TVP23A: variants seen among roughly 807,000 people sequenced by gnomAD.
TVP23A encodes Golgi apparatus membrane protein TVP23 homolog A.
TVP23A carries 21 observed loss-of-function variants against 31.7 expected under a neutral mutation model. The observed-to-expected ratio is 0.66, with a 90% CI of 0.47 to 0.95. The LOEUF is 0.95. Among genes scored for constraint, TVP23A ranks in the 40% least tolerant of loss-of-function variants. TVP23A has a pLI of 0.00. For missense variants in TVP23A, 279 were observed against 255.6 expected (o/e 1.09, Z -0.62); for synonymous variants, 104 against 96.0 (o/e 1.08, Z -0.49).
downstream of TVP23A, among the ~76,000 whole-genome samples, chr16:10,758,719 C>T (rs1393868846): frequency 6.6e-6 from 1 of 152,170 alleles, no homozygotes; most frequent in African/African-American, 2.4e-5. Context: ...TTTCCGTTTA[C>T]ATCCCAGGAT....
In TVP23A at chr16:10,802,628, T is replaced by C. The variant is rs188963795; in HGVS notation, c.89+15475A>G. Among the ~76,000 whole-genome samples, 420 of 152,336 alleles carry C rather than the reference T, an allele frequency of 2.8e-3. 1 individual carries two copies. Among genetic ancestry groups the C allele is most frequent in the South Asian group, 3.9e-3 (19 of 4,832 alleles). On this transcript the variant is annotated intron_variant, in intron 2 of 7. Coordinates refer to ENST00000299866, the MANE Select transcript of TVP23A (RefSeq NM_001079512.4). ...TACCCATCAGTTCTTCGTACTATTC[T>C]TGCTACCTTCCCGTAAGTCTGATAT...
At chr16:10,800,008 C>CTTTT (rs76396691) in intron 2 of TVP23A, among the ~76,000 whole-genome samples, 7 of 57,402 alleles carry the variant, frequency 1.2e-4, no homozygotes, top group Non-Finnish European at 1.7e-4. Flanking sequence ...GAGTGGGGTT[C>CTTTT]TTTTTTTTTT....
intron 2 of TVP23A, among the ~76,000 whole-genome samples, chr16:10,800,122 G>A (rs1486303485): frequency 6.7e-6 from 1 of 149,878 alleles, no homozygotes; most frequent in Non-Finnish European, 1.5e-5. Context: ...TTAGAAACAG[G>A]GTCTTGCTAT....
At chr16:10,766,641 T>C (rs2030918533), downstream of TVP23A, 1 of 244,268 alleles carries the variant, frequency 4.1e-6, no homozygotes, top group African/African-American at 2.2e-5. The surrounding 1 kb of genome is among the most constrained non-coding windows in gnomAD (Gnocchi z 4.8). Flanking sequence ...AGGTTCTTGG[T>C]GTCTGGAACA....
chr16:10,810,314 C>T (rs1024376466), intron 2 of TVP23A, among the ~76,000 whole-genome samples: 2 of 151,932 alleles, frequency 1.3e-5, no homozygotes, highest in Non-Finnish European at 2.9e-5. Context: ...TTTGAGAGGC[C>T]AAGGTGGGAG....
Position 10,818,332 on chromosome 16 carries a change from G to A in TVP23A, c.10-150C>T, listed in dbSNP as rs188682392. The A allele has an allele frequency of 1.4e-3, 1,868 of 1,354,482 alleles. 20 individuals are homozygous for A. In the African/African-American group the frequency reaches 0.024, roughly 17 times the overall value. The allele number at this position is 1,354,482 out of a possible 1,614,324, so 83.9% of individuals were successfully genotyped here. A position where few individuals can be genotyped will look rare whatever the true frequency, so the allele number is the denominator to read the frequency against. On this transcript the variant is annotated intron_variant, in intron 1 of 7. Coordinates refer to ENST00000299866, the MANE Select transcript of TVP23A (RefSeq NM_001079512.4). The surrounding 1 kb of genome is among the most constrained non-coding windows in gnomAD (Gnocchi z 4.7). ...CTGGCGGGGCCCCTCCGCTGCGGCT[G>A]CAGTGCAAAGCCCTCTCCACCCTCC...
At chr16:10,784,308 G>A (rs1055150565) in intron 2 of TVP23A, among the ~76,000 whole-genome samples, 6 of 150,378 alleles carry the variant, frequency 4.0e-5, no homozygotes, top group East Asian at 2.0e-4. Flanking sequence ...CCACCTAGGC[G>A]ACAGAGCAAG....
intron 4 of TVP23A, 95 bp downstream of exon 4, chr16:10,773,944 G>A (rs1394558844): frequency 3.1e-6 from 3 of 969,878 alleles, no homozygotes; most frequent in Non-Finnish European, 4.7e-6. Flanking sequence ...GTGTAAGGCA[G>A]GAATCAGATA....
chr16:10,784,658 T>A (rs1409908645), intron 2 of TVP23A, among the ~76,000 whole-genome samples: 1 of 152,198 alleles, frequency 6.6e-6, no homozygotes, highest in Non-Finnish European at 1.5e-5. Flanking sequence ...GGATTTTAGT[T>A]AATAATAATG....
intron 2 of TVP23A, among the ~76,000 whole-genome samples, chr16:10,805,682 C>G (rs2033910410): frequency 6.6e-6 from 1 of 151,318 alleles, no homozygotes; most frequent in Non-Finnish European, 1.5e-5. Flanking sequence ...TTCCGCTTTA[C>G]TCTCTCAAGT....
At chr16:10,788,144 A>G (rs1488263631) in intron 2 of TVP23A, among the ~76,000 whole-genome samples, 1 of 152,174 alleles carries the variant, frequency 6.6e-6, no homozygotes, top group African/African-American at 2.4e-5. Flanking sequence ...CAACTCAAAC[A>G]GGGAGGGCGC....
chr16:10,817,494 C>T (rs912300924), intron 2 of TVP23A, among the ~76,000 whole-genome samples: 3 of 152,168 alleles, frequency 2.0e-5, no homozygotes, highest in Admixed American at 1.3e-4. Flanking sequence ...CTTGGTCATG[C>T]CACCTTCTGG....
chr16:10,789,375 C>A (rs2032962637), intron 2 of TVP23A, among the ~76,000 whole-genome samples: 1 of 152,114 alleles, frequency 6.6e-6, no homozygotes, highest in African/African-American at 2.4e-5. Flanking sequence ...GTCAAACTCT[C>A]TAAAACATTT....
chr16:10,799,409 C>A (rs551142574), intron 2 of TVP23A, among the ~76,000 whole-genome samples: 8 of 152,210 alleles, frequency 5.3e-5, no homozygotes, highest in Non-Finnish European at 1.2e-4. Context: ...TCTTGGCTCA[C>A]TGCAACCTCC....
chr16:10,817,300 T>C (rs999600314), intron 2 of TVP23A, among the ~76,000 whole-genome samples: 2 of 152,110 alleles, frequency 1.3e-5, no homozygotes, highest in Non-Finnish European at 2.9e-5. Context: ...AATCAGAGAG[T>C]TTGATTTTAA....
chr16:10,792,918 G>C (rs1025889299), intron 2 of TVP23A, among the ~76,000 whole-genome samples: 1 of 152,256 alleles, frequency 6.6e-6, no homozygotes, highest in African/African-American at 2.4e-5. Context: ...TTTATGTGTA[G>C]AAGTGAATAA....
At chr16:10,762,154 T>C (rs907980343), downstream of TVP23A, 1 of 260,410 alleles carries the variant, frequency 3.8e-6, no homozygotes, top group Admixed American at 4.9e-5. Context: ...GGGCACCCGA[T>C]AGAGGGGCGG....
intron 2 of TVP23A, among the ~76,000 whole-genome samples, chr16:10,778,838 C>A (rs921086518): frequency 9.9e-5 from 15 of 151,708 alleles, no homozygotes; most frequent in African/African-American, 3.4e-4. Flanking sequence ...TGATGGCAGG[C>A]GCCTGTAATC....
chr16:10,814,370 G>C (rs1428661916), intron 2 of TVP23A, among the ~76,000 whole-genome samples: 2 of 152,112 alleles, frequency 1.3e-5, no homozygotes, highest in Non-Finnish European at 2.9e-5. Flanking sequence ...AGACTAACAA[G>C]GACCACTCTG....
Sources: allele counts gnomAD v4.1 joint callset (sites outside exome capture counted in the v4.1 genomes callset), GRCh38; gene constraint gnomAD v4.1.1; non-coding constraint Gnocchi (gnomAD v3.1); transcripts MANE v1.5; gene names NCBI Gene and HGNC (gene_info 2026-07-23, HGNC 2026-07-21).